The following SIL1 variants were observed in gnomAD, a reference collection of about 807,000 sequenced individuals.
The protein encoded by SIL1 is nucleotide exchange factor SIL1.
Under a neutral mutation model 49.1 loss-of-function variants are expected in SIL1, and 40 were observed. The observed-to-expected ratio is 0.81, with a 90% CI of 0.63 to 1.06. SIL1 has a LOEUF of 1.06. Ranked by LOEUF, SIL1 falls within the 50% of genes least tolerant of loss-of-function variation. The probability of loss-of-function intolerance (pLI) is 0.00; values close to 1 mark genes in which losing one functional copy is unlikely to be tolerated. For synonymous variants in SIL1, 253 were observed against 250.8 expected, an observed-to-expected ratio of 1.01 and a Z score of -0.08; for missense variants, 500 against 572.6, an observed-to-expected ratio of 0.87 and a Z score of 1.29.
chr5:139,110,647 A>G (rs1386482517), intron 3 of SIL1, among the ~76,000 whole-genome samples: 3 of 152,252 alleles, frequency 2.0e-5, no homozygotes, highest in Non-Finnish European at 4.4e-5. Flanking sequence ...AAAGGCTCAC[A>G]GAGCCCCTGC....
At chr5:138,979,667 C>A (rs1350163723) in intron 7 of SIL1, among the ~76,000 whole-genome samples, 1 of 152,108 alleles carries the variant, frequency 6.6e-6, no homozygotes, top group Non-Finnish European at 1.5e-5. Context: ...CCATACCCGG[C>A]TAATTCATAT....
chr5:138,959,860 C>T (rs920052414), intron 7 of SIL1, among the ~76,000 whole-genome samples: 12 of 152,336 alleles, frequency 7.9e-5, no homozygotes, highest in African/African-American at 2.9e-4. Context: ...TGTTAGTAGC[C>T]TCACAGAGCT....
intron 1 of SIL1, among the ~76,000 whole-genome samples, chr5:139,175,085 G>A (rs1311167325): frequency 6.6e-6 from 1 of 152,086 alleles, no homozygotes; most frequent in Non-Finnish European, 1.5e-5. Flanking sequence ...ACTTTGGGAG[G>A]CCAAGGCAGG....
intron 1 of SIL1, among the ~76,000 whole-genome samples, chr5:139,153,291 C>CAGCTTAAAAGACA (rs1751344097): frequency 6.6e-6 from 1 of 152,156 alleles, no homozygotes; most frequent in African/African-American, 2.4e-5. Context: ...CGCTTTGAGG[C>CAGCTTAAAAGACA]CTTCCCCAAC....
intron 3 of SIL1, among the ~76,000 whole-genome samples, chr5:139,099,528 T>C (rs2151781455): frequency 6.6e-6 from 1 of 152,208 alleles, no homozygotes; most frequent in South Asian, 2.1e-4. Flanking sequence ...GCAACTTAAG[T>C]GTCCATCAAC....
rs70982750 is a variant in SIL1, at chr5:139,145,608, A to ATGTGGG, written c.-10-17761_-10-17756dup. ...TCACAGATAAGTGGATTTTTATAAA[A>ATGTGGG]TGTGGGTGTGGGTGTGGGGGCGTGT... On this transcript the variant is annotated intron_variant, in intron 1 of 9. Transcript: ENST00000394817. Among the ~76,000 whole-genome samples the ATGTGGG allele has an allele frequency of 1.3e-5, 2 of 148,286 alleles. 1 individual carries two copies. The highest frequency in any genetic ancestry group is 3.0e-5 in the Non-Finnish European group (2 of 67,100).
At chr5:138,981,568 C>T (rs1411317844) in intron 7 of SIL1, among the ~76,000 whole-genome samples, 1 of 152,210 alleles carries the variant, frequency 6.6e-6, no homozygotes, top group African/African-American at 2.4e-5. Flanking sequence ...CTGCCCACTC[C>T]TGATACACAT....
chr5:139,193,913 G>T (rs1752219763), intron 1 of SIL1, among the ~76,000 whole-genome samples: 1 of 152,150 alleles, frequency 6.6e-6, no homozygotes. Context: ...GGTTGTCACG[G>T]ATTCACAGCA....
At chr5:139,124,909 C>T (rs886328489) in intron 2 of SIL1, among the ~76,000 whole-genome samples, 5 of 152,204 alleles carry the variant, frequency 3.3e-5, no homozygotes, top group Non-Finnish European at 7.3e-5. Flanking sequence ...GAAGTCCAGA[C>T]CTGCCTGGCT....
At chr5:138,988,329 A>G (rs1195229384) in intron 7 of SIL1, among the ~76,000 whole-genome samples, 1 of 152,166 alleles carries the variant, frequency 6.6e-6, no homozygotes, top group African/African-American at 2.4e-5. Context: ...GCCTTAACAG[A>G]TTTTAAACTA....
chr5:138,987,928 C>T (rs1767679575), intron 7 of SIL1, among the ~76,000 whole-genome samples: 1 of 152,146 alleles, frequency 6.6e-6, no homozygotes, highest in African/African-American at 2.4e-5. Context: ...CATCCATCTC[C>T]CGGGTTCAAG....
intron 4 of SIL1, among the ~76,000 whole-genome samples, chr5:139,048,231 G>C (rs1250803298): frequency 6.6e-6 from 1 of 151,906 alleles, no homozygotes; most frequent in Non-Finnish European, 1.5e-5. Flanking sequence ...GCTTATTGCA[G>C]CCTCAACCTC....
At chr5:139,078,213 G>A (rs1313519911) in intron 3 of SIL1, among the ~76,000 whole-genome samples, 1 of 152,108 alleles carries the variant, frequency 6.6e-6, no homozygotes, top group Non-Finnish European at 1.5e-5. Context: ...GGTTTCCAAG[G>A]TGAGAGGATC....
intron 1 of SIL1, among the ~76,000 whole-genome samples, chr5:139,131,984 C>CA (rs2151797717): frequency 6.6e-6 from 1 of 152,212 alleles, no homozygotes; most frequent in Admixed American, 6.5e-5. Flanking sequence ...CAACATACAA[C>CA]AAAACAAAGA....
chr5:138,947,085 G>T lies in SIL1; in HGVS notation c.*32C>A. ...ACGCTGGCACCCCTCAGCCTCACTA[G>T]CGGCATCCCAGTCCAGTCCTGGTGT... On this transcript the variant is annotated 3_prime_UTR_variant, in exon 10 of 10. Transcript: ENST00000394817. The surrounding 1 kb of genome is among the most constrained non-coding windows in gnomAD (Gnocchi z 4.1). 1.3e-6 allele frequency: 2 copies of T among 1,561,820 alleles called. No homozygotes were observed. The highest frequency in any genetic ancestry group is 1.4e-5 in the African/African-American group (1 of 73,778).
Position 139,178,055 on chromosome 5 carries a change from G to A in SIL1, c.-11+20214C>T, listed in dbSNP as rs114150670. Among the ~76,000 whole-genome samples the A allele has an allele frequency of 3.1e-3, 478 of 152,324 alleles. 1 individual carries two copies. Among genetic ancestry groups the A allele is most frequent in the African/African-American group, 0.011 (443 of 41,570 alleles). On this transcript the variant is annotated intron_variant, in intron 1 of 9. Coordinates refer to ENST00000394817, the MANE Select transcript of SIL1 (RefSeq NM_022464.5). ...ACAAAGGACTCTGTAGCTGTCAGCC[G>A]TTAACATGTGACAAGCCTGAAACCT...
rs70982757 is a variant in SIL1, at chr5:139,176,927, C to CTTTT, written c.-11+21338_-11+21341dup. On this transcript the variant is annotated intron_variant, in intron 1 of 9. Transcript: ENST00000394817. ...GCTTCCAAGTGGAGAAGCTGAGATT[C>CTTTT]TTTTTTTTTTTTTTTTTTTTTTTGA... Among the ~76,000 whole-genome samples, 136 of 95,804 alleles carry CTTTT rather than the reference C, an allele frequency of 1.4e-3. 2 individuals are homozygous for CTTTT. Among genetic ancestry groups the CTTTT allele is most frequent in the Middle Eastern group, 7.5e-3 (1 of 134 alleles). 62.9% of individuals were successfully genotyped at this position (95,804 alleles called of 152,430 possible).
rs1286276328 is a variant in SIL1 at position 139,056,661 on chromosome 5, C to T, written c.245-5615G>A. Among the ~76,000 whole-genome samples, 8 of 143,606 alleles carry T rather than the reference C, an allele frequency of 5.6e-5. No individual in the cohort carries two copies. In the East Asian group the frequency reaches 7.9e-4, roughly 14 times the overall value. 94.2% of individuals were successfully genotyped at this position (143,606 alleles called of 152,430 possible). A position where few individuals can be genotyped will look rare whatever the true frequency, so the allele number is the denominator to read the frequency against. On this transcript the variant is annotated intron_variant, in intron 3 of 9. Coordinates refer to ENST00000394817, the MANE Select transcript of SIL1 (RefSeq NM_022464.5). The stretch of plus-strand genomic sequence containing the variant: ...GAGGGAGGTGGGGGGGTCAGCCCCC[C>T]GCCTGGCCAGCCGCCCCGTCCGGGA...
chr5:139,093,727 C>T (rs1239375847), intron 3 of SIL1: 1 of 152,194 alleles, frequency 6.6e-6, no homozygotes. Context: ...CTCTACTGAA[C>T]AGGATTTGTT....
Sources: gnomAD v4.1 joint callset for allele counts (sites outside exome capture counted in the v4.1 genomes callset) on GRCh38, gnomAD v4.1.1 for gene constraint, Gnocchi (gnomAD v3.1) non-coding constraint, MANE v1.5 for transcripts, NCBI Gene and HGNC (gene_info 2026-07-23, HGNC 2026-07-21) for gene names.